Variants in MARCHF1 observed in about 807,000 individuals in gnomAD.
MARCHF1 encodes membrane associated ring-CH-type finger 1.
In MARCHF1, 40 loss-of-function variants were observed where a neutral mutation model predicts 54.2. The ratio of observed to expected loss-of-function variants is 0.74; its 90% CI spans 0.57 to 0.96. The LOEUF (loss-of-function observed/expected upper bound fraction) is 0.96, where lower values mean the gene tolerates loss of function less well. Ranked by LOEUF, MARCHF1 falls within the 40% of genes least tolerant of loss-of-function variation. The probability of loss-of-function intolerance (pLI) is 0.00; values close to 1 mark genes in which losing one functional copy is unlikely to be tolerated. For missense variants in MARCHF1, 586 were observed against 656.5 expected (o/e 0.89, Z 1.17); for synonymous variants, 236 against 236.3 (o/e 1.00, Z 0.01).
chr4:163,571,975 CTT>C (rs1236319108), intron 8 of MARCHF1, among the ~76,000 whole-genome samples: 1 of 152,114 alleles, frequency 6.6e-6, no homozygotes, highest in Non-Finnish European at 1.5e-5. Flanking sequence ...CTTCCAGTCA[CTT>C]TTCAGGATGC....
intron 1 of MARCHF1, among the ~76,000 whole-genome samples, chr4:164,317,010 A>T (rs1438523192): frequency 6.6e-6 from 1 of 152,204 alleles, no homozygotes; most frequent in East Asian, 1.9e-4. Context: ...TAAATTGCCG[A>T]GTCTCAAGTA....
At chr4:164,059,351 G>A (rs1754564564) in intron 2 of MARCHF1, among the ~76,000 whole-genome samples, 1 of 152,064 alleles carries the variant, frequency 6.6e-6, no homozygotes, top group Admixed American at 6.6e-5. Context: ...TCTTAGCAAC[G>A]TGATATGCAA....
chr4:164,233,158 A>G (rs1158856845), intron 1 of MARCHF1, among the ~76,000 whole-genome samples: 1 of 152,140 alleles, frequency 6.6e-6, no homozygotes, highest in Non-Finnish European at 1.5e-5. Context: ...TTTGTTGAAT[A>G]AATAAATAAA....
At chr4:164,354,216 C>G (rs1411743907) in intron 1 of MARCHF1, among the ~76,000 whole-genome samples, 2 of 122,578 alleles carry the variant, frequency 1.6e-5, no homozygotes, top group African/African-American at 5.9e-5. Flanking sequence ...CGTTCTGAAA[C>G]TATTCCAATC....
intron 4 of MARCHF1, among the ~76,000 whole-genome samples, chr4:163,852,680 G>A (rs1167925696): frequency 6.6e-6 from 1 of 152,120 alleles, no homozygotes; most frequent in Non-Finnish European, 1.5e-5. Flanking sequence ...TGGGATTTAA[G>A]CAAGATCCTC....
rs143464226 is a variant in MARCHF1, at chr4:164,284,173, A to G, written c.-323+99697T>C. On this transcript the variant is annotated intron_variant, in intron 1 of 9. Transcript: ENST00000514618. ...CACTTAATGGGTAGGGAGAAAATAC[A>G]TATTTTTAGTTTGAATGTGATACTG... Among the ~76,000 whole-genome samples, 270 of 151,156 alleles carry G rather than the reference A, an allele frequency of 1.8e-3. 35 individuals carry two copies. The East Asian group carries it at 0.05, about 28-fold the overall frequency.
intron 2 of MARCHF1, among the ~76,000 whole-genome samples, chr4:164,075,774 A>G (rs1754964035): frequency 6.6e-6 from 1 of 152,198 alleles, no homozygotes; most frequent in African/African-American, 2.4e-5. Context: ...TTGCAGTCTA[A>G]GATGCCATCT....
intron 1 of MARCHF1, among the ~76,000 whole-genome samples, chr4:164,207,692 CG>C (rs555714191): frequency 3.2e-4 from 48 of 152,176 alleles, no homozygotes; most frequent in African/African-American, 1.1e-3. Context: ...GTAGGGGGAA[CG>C]GGGGTTCCCT....
At chr4:164,005,922 AC>A (rs1753276440) in intron 2 of MARCHF1, among the ~76,000 whole-genome samples, 2 of 152,214 alleles carry the variant, frequency 1.3e-5, no homozygotes, top group Admixed American at 6.5e-5. Flanking sequence ...ATCACCTAGA[AC>A]CAAAAAGGAG....
intron 7 of MARCHF1, among the ~76,000 whole-genome samples, chr4:163,600,624 A>G (rs972410697): frequency 1.3e-5 from 2 of 151,800 alleles, no homozygotes; most frequent in South Asian, 2.1e-4. Flanking sequence ...TTTTTCCTCC[A>G]TTGTGACCCT....
intron 3 of MARCHF1, among the ~76,000 whole-genome samples, chr4:163,952,267 A>G (rs1235919972): frequency 2.0e-5 from 3 of 152,210 alleles, no homozygotes; most frequent in African/African-American, 4.8e-5. Flanking sequence ...TTTAGCCTAT[A>G]TAACGATACA....
intron 2 of MARCHF1, among the ~76,000 whole-genome samples, chr4:164,097,127 G>A (rs1755433036): frequency 1.3e-5 from 2 of 152,270 alleles, no homozygotes; most frequent in African/African-American, 4.8e-5. Context: ...TATTTAGTAT[G>A]TAATGCAAGT....
chr4:164,326,841 T>G (rs1735292632), intron 1 of MARCHF1, among the ~76,000 whole-genome samples: 3 of 152,120 alleles, frequency 2.0e-5, no homozygotes, highest in Admixed American at 2.0e-4. Context: ...ATTTCAGATT[T>G]TCTGCTTATT....
intron 1 of MARCHF1, among the ~76,000 whole-genome samples, chr4:164,161,851 A>G (rs140562481): frequency 0.011 from 1,730 of 152,222 alleles, 33 homozygotes; most frequent in African/African-American, 0.04. Context: ...TATATGGTCC[A>G]AATTCCAATG....
chr4:163,673,863 A>T (rs1743815808), intron 5 of MARCHF1, among the ~76,000 whole-genome samples: 1 of 152,232 alleles, frequency 6.6e-6, no homozygotes, highest in Non-Finnish European at 1.5e-5. Flanking sequence ...CAGTCCTTTT[A>T]TGATGATAAA....
chr4:164,032,999 C>T (rs1258087273), intron 2 of MARCHF1, among the ~76,000 whole-genome samples: 2 of 151,932 alleles, frequency 1.3e-5, no homozygotes, highest in African/African-American at 2.4e-5. Context: ...GAAATAACAC[C>T]ACACATCTTC....
At chr4:163,648,415 G>A (rs1165110198) in intron 5 of MARCHF1, among the ~76,000 whole-genome samples, 5 of 151,460 alleles carry the variant, frequency 3.3e-5, no homozygotes, top group African/African-American at 4.8e-5. Flanking sequence ...TATTCTGAAC[G>A]TTGGTGAATC....
chr4:164,217,363 G>GT (rs1227629628), intron 1 of MARCHF1, among the ~76,000 whole-genome samples: 2 of 152,154 alleles, frequency 1.3e-5, no homozygotes, highest in African/African-American at 4.8e-5. Flanking sequence ...AAAGGTAAAA[G>GT]TTTTGAGACA....
intron 1 of MARCHF1, among the ~76,000 whole-genome samples, chr4:164,333,411 C>A (rs183307999): frequency 6.6e-6 from 1 of 152,270 alleles, no homozygotes; most frequent in African/African-American, 2.4e-5. Context: ...CACTTTGTAT[C>A]TCTTTACCAC....
Sources: allele counts gnomAD v4.1 joint callset (sites outside exome capture counted in the v4.1 genomes callset), GRCh38; gene constraint gnomAD v4.1.1; transcripts MANE v1.5; gene names NCBI Gene and HGNC (gene_info 2026-07-23, HGNC 2026-07-21).